Variants in SLC38A9 observed in about 807,000 individuals in gnomAD.
SLC38A9 encodes solute carrier family 38 member 9, also known as neutral amino acid transporter 9.
A neutral mutation model predicts 62.3 loss-of-function variants in SLC38A9; 48 were observed. The ratio of observed to expected loss-of-function variants is 0.77; its 90% CI spans 0.61 to 0.98. The LOEUF is 0.98. Among genes scored for constraint, SLC38A9 ranks in the 50% least tolerant of loss-of-function variants. The pLI, the probability that SLC38A9 is intolerant of heterozygous loss-of-function variation, is 0.00. For missense variants in SLC38A9, 541 were observed against 679.8 expected (o/e 0.80, Z 2.27); for synonymous variants, 204 against 227.7 (o/e 0.90, Z 0.94).
intron 2 of SLC38A9, among the ~76,000 whole-genome samples, chr5:55,708,251 G>C (rs1757554284): frequency 6.6e-6 from 1 of 152,120 alleles, no homozygotes; most frequent in Non-Finnish European, 1.5e-5. Context: ...AACTGCTTGA[G>C]CCCAGGAGTT....
At chr5:55,675,084 C>T (rs1453526558) in intron 3 of SLC38A9, among the ~76,000 whole-genome samples, 1 of 152,176 alleles carries the variant, frequency 6.6e-6, no homozygotes, top group Admixed American at 6.5e-5. Flanking sequence ...AAATATCATA[C>T]TGATAGAAAG....
chr5:55,667,702 T>G (rs1294177587), intron 7 of SLC38A9, among the ~76,000 whole-genome samples: 1 of 152,060 alleles, frequency 6.6e-6, no homozygotes, highest in Non-Finnish European at 1.5e-5. Context: ...AATGAATTGG[T>G]GGAAGTTCTT....
chr5:55,662,698 AAT>A (rs1247286458), intron 8 of SLC38A9, among the ~76,000 whole-genome samples: 4 of 151,254 alleles, frequency 2.6e-5, no homozygotes, highest in African/African-American at 9.7e-5. Context: ...AAAAAAAAAA[AAT>A]GCAAAACAAA....
Position 55,633,865 on chromosome 5 carries a change from G to A in SLC38A9, c.1319C>T (p.Ser440Phe), listed in dbSNP as rs1466624302. ...LDNFPSSDTL[S>F]FIARIFLLFQ... ...CAGCAGGAATATCCTTGCAATGAAG[G>A]ACAGGGTGTCACTGCTAGGGAAGTT... Residue 440 changes from serine to phenylalanine, a missense_variant, in exon 14 of 16, where the codon TCC becomes TTC. By Grantham distance (155) the Ser-to-Phe change is radical. Transcript: ENST00000396865. 6.2e-7 allele frequency: 1 copy of A among 1,613,022 alleles called. No homozygotes were observed. The highest frequency in any genetic ancestry group is 1.3e-5 in the African/African-American group (1 of 75,030).
chr5:55,642,751 C>A (rs2897834), intron 12 of SLC38A9, among the ~76,000 whole-genome samples: 137,652 of 152,264 alleles, frequency 0.9, 62,386 homozygotes, highest in African/African-American at 0.97. Flanking sequence ...AATTTGAGAT[C>A]AGTTCACCAA....
intron 3 of SLC38A9, among the ~76,000 whole-genome samples, chr5:55,685,738 G>A (rs1029331989): frequency 4.6e-5 from 7 of 152,080 alleles, no homozygotes; most frequent in African/African-American, 1.7e-4. Flanking sequence ...CAGGCATTAA[G>A]CCTAGTATCC....
chr5:55,627,095 A>C lies in SLC38A9; in HGVS notation c.1521-436T>G, dbSNP rs928297796. The stretch of plus-strand genomic sequence containing the variant: ...GGCATTCAGCATGATTACGAAAGAT[A>C]ATAACAAAAATACTTAAACATGAGA... On this transcript the variant is annotated intron_variant, in intron 15 of 15. Transcript: ENST00000396865. 2.0e-5 allele frequency among the ~76,000 whole-genome samples: 3 copies of C among 152,200 alleles called. 1 individual carries two copies. Among genetic ancestry groups the C allele is most frequent in the Non-Finnish European group, 4.4e-5 (3 of 68,014 alleles).
intron 8 of SLC38A9, among the ~76,000 whole-genome samples, chr5:55,658,223 G>A (rs977938785): frequency 1.3e-5 from 2 of 151,932 alleles, no homozygotes; most frequent in Non-Finnish European, 2.9e-5. Flanking sequence ...GGGTAGAGTC[G>A]CATGACTGCA....
At chr5:55,662,352 G>A (rs1749724396) in intron 8 of SLC38A9, among the ~76,000 whole-genome samples, 1 of 152,044 alleles carries the variant, frequency 6.6e-6, no homozygotes, top group African/African-American at 2.4e-5. Context: ...AAGACAGAAA[G>A]CAAGTTGCAA....
At chr5:55,642,354 T>G (rs1044897502) in intron 12 of SLC38A9, among the ~76,000 whole-genome samples, 1 of 152,252 alleles carries the variant, frequency 6.6e-6, no homozygotes, top group Non-Finnish European at 1.5e-5. Context: ...CTGAGACTGT[T>G]TTCTAGTAAT....
intron 2 of SLC38A9, among the ~76,000 whole-genome samples, chr5:55,711,008 A>T (rs868076653): frequency 3.3e-5 from 5 of 151,958 alleles, no homozygotes; most frequent in Middle Eastern, 3.4e-3. Flanking sequence ...AAAAGAAAAA[A>T]GAGGCTGGGC....
chr5:55,651,827 A>G (rs6871351), intron 10 of SLC38A9, among the ~76,000 whole-genome samples: 92,109 of 151,842 alleles, frequency 0.61, 28,384 homozygotes, highest in South Asian at 0.7. Flanking sequence ...CGTTAGAATC[A>G]AGAATTCCTA....
chr5:55,695,350 GGGAA>G (rs61269189), intron 3 of SLC38A9, among the ~76,000 whole-genome samples: 40,673 of 89,506 alleles, frequency 0.45, 9,752 homozygotes, highest in Non-Finnish European at 0.55. Context: ...CAATAGTGGA[GGGAA>G]GGTCAGCAGA....
chr5:55,710,067 C>CAAAAAAAAAAAAAAAAAAAAA (rs1174162436), intron 2 of SLC38A9, among the ~76,000 whole-genome samples: 1 of 20,882 alleles, frequency 4.8e-5, no homozygotes, highest in African/African-American at 1.3e-4. Flanking sequence ...GACTCCATCT[C>CAAAAAAAAAAAAAAAAAAAAA]AAAAAAAAAA....
intron 3 of SLC38A9, among the ~76,000 whole-genome samples, chr5:55,683,106 A>G (rs1482217377): frequency 1.3e-5 from 2 of 152,182 alleles, no homozygotes; most frequent in African/African-American, 4.8e-5. Flanking sequence ...TGTAATATAA[A>G]TTTAAAATGA....
At chr5:55,679,727 C>A (rs115494771) in intron 3 of SLC38A9, among the ~76,000 whole-genome samples, 1 of 152,076 alleles carries the variant, frequency 6.6e-6, no homozygotes, top group Non-Finnish European at 1.5e-5. Context: ...ACACCACCAC[C>A]ACCACTGCAA....
intron 3 of SLC38A9, among the ~76,000 whole-genome samples, chr5:55,677,054 A>G (rs1203929057): frequency 6.6e-6 from 1 of 152,212 alleles, no homozygotes; most frequent in Non-Finnish European, 1.5e-5. Flanking sequence ...GACATTAAAC[A>G]TGACAGAAAA....
intron 12 of SLC38A9, among the ~76,000 whole-genome samples, chr5:55,645,554 A>G (rs542057099): frequency 1.3e-5 from 2 of 152,364 alleles, no homozygotes; most frequent in African/African-American, 4.8e-5. Flanking sequence ...TCATAACATA[A>G]CAGCACAGTT....
chr5:55,681,492 A>G (rs897222357), intron 3 of SLC38A9, among the ~76,000 whole-genome samples: 7 of 152,230 alleles, frequency 4.6e-5, no homozygotes, highest in Middle Eastern at 3.4e-3. Flanking sequence ...CTCTACCCCT[A>G]TGGTTTATGG....
Sources: gnomAD v4.1 joint callset for allele counts (sites outside exome capture counted in the v4.1 genomes callset) on GRCh38, gnomAD v4.1.1 for gene constraint, MANE v1.5 for transcripts, NCBI Gene and HGNC (gene_info 2026-07-23, HGNC 2026-07-21) for gene names.